Variants in GRIN3B observed in about 807,000 individuals in gnomAD.
GRIN3B encodes the protein glutamate receptor ionotropic, NMDA 3B.
GRIN3B carries 77 observed loss-of-function variants against 66.0 expected under a neutral mutation model. The observed-to-expected ratio is 1.17, with a 90% CI of 0.97 to 1.41. The LOEUF is 1.41. GRIN3B is among the 40% of genes most tolerant of loss of function. The pLI, the probability that GRIN3B is intolerant of heterozygous loss-of-function variation, is 0.00. For missense variants in GRIN3B, 1,787 were observed against 1,564.5 expected (o/e 1.14, Z -2.40); for synonymous variants, 823 against 749.7 (o/e 1.10, Z -1.60).
rs369360940 is a variant in GRIN3B at position 1,008,017 on chromosome 19, C to T, written c.2314+46C>T. The T allele has an allele frequency of 6.8e-5, 109 of 1,595,102 alleles. 1 individual carries two copies. The African/African-American group carries it at 1.1e-3, about 16-fold the overall frequency. On this transcript the variant is annotated intron_variant, in intron 5 of 8. Transcript: ENST00000234389. ...GCGGGGCGCCGGGGTCTCTGGGGACCTCCTGGGGGCAGTGGGGAGCCACGG... is the reference window on the plus strand; with the variant it reads ...GCGGGGCGCCGGGGTCTCTGGGGACTTCCTGGGGGCAGTGGGGAGCCACGG...
Position 1,007,481 on chromosome 19 carries a change from C to A in GRIN3B, c.2053-147C>A, listed in dbSNP as rs111354021. The stretch of plus-strand genomic sequence containing the variant: ...CTGTGGTGGTCACGCCTGGGGTGTG[C>A]TCTGGGCATGGAGTGGGTGGAGGCC... On this transcript the variant is annotated intron_variant, in intron 3 of 8. Coordinates refer to ENST00000234389, the MANE Select transcript of GRIN3B (RefSeq NM_138690.3). This position sits in a 1 kb window ranked among gnomAD's most constrained non-coding sequence, Gnocchi z 4.4. 1 of 918,852 alleles carries A rather than the reference C, an allele frequency of 1.1e-6. No homozygotes were observed. The highest frequency in any genetic ancestry group is 1.5e-6 in the Non-Finnish European group (1 of 672,316). The allele number at this position is 918,852 out of a possible 1,614,324, so 56.9% of individuals were successfully genotyped here.
intron 8 of GRIN3B, 122 bp downstream of exon 8, chr19:1,009,049 C>G: frequency 1.4e-6 from 2 of 1,442,796 alleles, no homozygotes; most frequent in Admixed American, 2.2e-5. Flanking sequence ...CACCCCCGGA[C>G]GTGCACACCG....
chr19:1,003,141 C>T lies in GRIN3B; in HGVS notation c.438C>T (p.His146=), dbSNP rs749498490. ...CACCCCTCTCCCAGAACCCATTCCA[C>T]CTGCAGCTGCACTGGGCCAGCCCCC... ...RAPLGAPNPF[H]LQLHWASPLE... Residue 146 remains histidine (H), a synonymous_variant, in exon 2 of 9, where the codon CAC becomes CAT. Coordinates refer to ENST00000234389, the MANE Select transcript of GRIN3B (RefSeq NM_138690.3). 1.5e-5 allele frequency: 22 copies of T among 1,453,116 alleles called. No homozygotes were observed. The African/African-American group carries it at 1.8e-4, about 12-fold the overall frequency. The allele number at this position is 1,453,116 out of a possible 1,614,324, so 90.0% of individuals were successfully genotyped here. A position where few individuals can be genotyped will look rare whatever the true frequency, so the allele number is the denominator to read the frequency against.
rs145632166 is a variant in GRIN3B, at chr19:1,004,872, C to T, written c.1371C>T (p.Asp457=). The T allele has an allele frequency of 1.0e-4, 166 of 1,610,100 alleles. 1 individual carries two copies. In the African/African-American group the frequency reaches 1.7e-3, roughly 16 times the overall value. ...GCACCAACGACTCGGCCACCCTGGA[C>T]GCACTGTTCGCCGCGCTGGCCAACG... ...DPGTNDSATL[D]ALFAALANGS... The change falls in exon 3 of 9, where the codon GAC becomes GAT. Residue 457 remains aspartate (D), a synonymous_variant. Transcript: ENST00000234389.
rs1274655627 is a variant in GRIN3B, at chr19:1,009,350, C to G, written c.2880C>G (p.Pro960=). Residue 960 remains proline (P), a synonymous_variant, in exon 9 of 9, where the codon CCC becomes CCG. Transcript: ENST00000234389. Reference sequence around the variant, plus strand: ...CGGAGGCTGCGCCGCGAGAGGGCCCCGTCTGGCTGTGCTCCTACGGCCGCC... The same window carrying G: ...CGGAGGCTGCGCCGCGAGAGGGCCCGGTCTGGCTGTGCTCCTACGGCCGCC... ...AEAEAAPREG[P]VWLCSYGRPP... 8 of 1,390,034 alleles carry G rather than the reference C, an allele frequency of 5.8e-6. No homozygotes were observed. In the South Asian group the frequency reaches 1.3e-4, roughly 22 times the overall value. The allele number at this position is 1,390,034 out of a possible 1,614,324, so 86.1% of individuals were successfully genotyped here.
Position 1,000,487 on chromosome 19 carries a change from C to G in GRIN3B, c.50C>G (p.Pro17Arg). ...CTGGGCCTGGCGCTGGCGCTGGGGC[C>G]GGGGTCCGCGGGGGGCCACCCTCAG... is the stretch of plus-strand genomic sequence containing the variant. The part of the protein sequence containing the change: ...LWLGLALALG[P>R]GSAGGHPQPC... Residue 17 changes from proline to arginine, a missense_variant, in exon 1 of 9, where the codon CCG (proline) becomes CGG (arginine). By Grantham distance (103) the Pro-to-Arg change is moderately radical. Transcript: ENST00000234389. The G allele has an allele frequency of 8.3e-7, 1 of 1,202,312 alleles. No individual in the cohort carries two copies. The highest frequency in any genetic ancestry group is 1.0e-6 in the Non-Finnish European group (1 of 968,054). The allele number at this position is 1,202,312 out of a possible 1,614,324, so 74.5% of individuals were successfully genotyped here.
In GRIN3B at chr19:1,008,847, G is replaced by C; in HGVS notation, c.2632-10G>C. 1 of 1,605,402 alleles carries C rather than the reference G, an allele frequency of 6.2e-7. No individual in the cohort carries two copies. The highest frequency in any genetic ancestry group is 8.5e-7 in the Non-Finnish European group (1 of 1,176,248). On this transcript the variant is annotated splice_polypyrimidine_tract_variant and intron_variant, in intron 7 of 8. Coordinates refer to ENST00000234389, the MANE Select transcript of GRIN3B (RefSeq NM_138690.3). ...GCCTCCTCGCCAACCGGGTCTGTCTGGGGTCTTAGAAAATCCACCGCGCCC... is the reference window on the plus strand; with the variant it reads ...GCCTCCTCGCCAACCGGGTCTGTCTCGGGTCTTAGAAAATCCACCGCGCCC...
rs369845966 is a variant in GRIN3B at position 1,005,517 on chromosome 19, G to T, written c.2016G>T (p.Lys672Asn). The T allele has an allele frequency of 2.5e-6, 4 of 1,611,224 alleles. No individual in the cohort carries two copies. Among genetic ancestry groups the T allele is most frequent in the Non-Finnish European group, 3.4e-6 (4 of 1,178,754 alleles). Reference sequence around the variant, plus strand: ...TGGCTGCCGTCATGGTCGGGGACAAGACCTTCGAGGAGCTGTCGGGGATCC... The same window carrying T: ...TGGCTGCCGTCATGGTCGGGGACAATACCTTCGAGGAGCTGTCGGGGATCC... Reference protein sequence around the residue: ...ANLAAVMVGDKTFEELSGIHD... With the variant: ...ANLAAVMVGDNTFEELSGIHD... Residue 672 changes from lysine to asparagine, a missense_variant, in exon 3 of 9, where the codon AAG (lysine) becomes AAT (asparagine). Transcript: ENST00000234389. The surrounding 1 kb of genome is among the most constrained non-coding windows in gnomAD (Gnocchi z 5.2).
Position 1,005,554 on chromosome 19 carries a change from G to A in GRIN3B, c.2052+1G>A. ...GCTGTCGGGGATCCACGACCCCAAG[G>A]TGGGCGGCCTCGGGGGGCTGCGGGT... is the stretch of plus-strand genomic sequence containing the variant. On this transcript the variant is annotated splice_donor_variant, in intron 3 of 8. Transcript: ENST00000234389. LOFTEE classifies it high-confidence loss of function. This position sits in a 1 kb window ranked among gnomAD's most constrained non-coding sequence, Gnocchi z 5.2. The A allele has an allele frequency of 5.1e-6, 8 of 1,582,146 alleles. No homozygotes were observed. Among genetic ancestry groups the A allele is most frequent in the Non-Finnish European group, 6.9e-6 (8 of 1,161,754 alleles).
rs1432051089 is a variant in GRIN3B, at chr19:1,000,659, G to A, written c.222G>A (p.Leu74=). Residue 74 remains leucine, a synonymous_variant, in exon 1 of 9, where the codon CTG becomes CTA. Coordinates refer to ENST00000234389, the MANE Select transcript of GRIN3B (RefSeq NM_138690.3). ...TGCCGCACAACCTGAGCTTGGAGCT[G>A]GTGGTCGCCGCGCCCCCCGCCCGCG... ...PRLPHNLSLE[L]VVAAPPARDP... 1 of 1,318,720 alleles carries A rather than the reference G, an allele frequency of 7.6e-7. No individual in the cohort carries two copies. The highest frequency in any genetic ancestry group is 9.7e-7 in the Non-Finnish European group (1 of 1,031,640). The allele number at this position is 1,318,720 out of a possible 1,614,324, so 81.7% of individuals were successfully genotyped here.
rs1217052331 is a variant in GRIN3B at position 1,009,346 on chromosome 19, G to A, written c.2876G>A (p.Gly959Asp). The A allele has an allele frequency of 2.9e-6, 4 of 1,391,782 alleles. No individual in the cohort carries two copies. The highest frequency in any genetic ancestry group is 3.7e-6 in the Non-Finnish European group (4 of 1,082,172). The allele number at this position is 1,391,782 out of a possible 1,614,324, so 86.2% of individuals were successfully genotyped here. ...DAEAEAAPRE[G>D]PVWLCSYGRP... is the part of the protein sequence containing the mutation. ...GAGGCGGAGGCTGCGCCGCGAGAGG[G>A]CCCCGTCTGGCTGTGCTCCTACGGC... The change falls in exon 9 of 9, where the codon GGC (glycine) becomes GAC (aspartate). Residue 959 changes from glycine to aspartate, a missense_variant. Transcript: ENST00000234389.
rs367698479 is a variant in GRIN3B at position 1,003,434 on chromosome 19, G to A, written c.731G>A (p.Arg244His). 3.0e-5 allele frequency: 47 copies of A among 1,541,770 alleles called. No individual in the cohort carries two copies. The highest frequency in any genetic ancestry group is 3.0e-4 in the African/African-American group (22 of 73,164). ...GTCCTCCTCGGCTGTGACATCGCCC[G>A]TGCCCGTCGGGTGCTGGAGGCCGTA... ...AAVLLGCDIA[R>H]ARRVLEAVPP... The change falls in exon 2 of 9, where the codon CGT becomes CAT. Residue 244 changes from arginine (R) to histidine (H), a missense_variant. Physicochemically the swap from Arg to His is conservative, Grantham distance 29. Transcript: ENST00000234389.
At chr19:1,009,005 G>T in intron 8 of GRIN3B, 78 bp downstream of exon 8, 1 of 1,521,136 alleles carries the variant, frequency 6.6e-7, no homozygotes. Flanking sequence ...GAAGCCGGCC[G>T]CGGGGTGCAG....
Position 1,004,878 on chromosome 19 carries a change from G to C in GRIN3B, c.1377G>C (p.Leu459=). Residue 459 remains leucine (L), a synonymous_variant, in exon 3 of 9, where the codon CTG becomes CTC. Transcript: ENST00000234389. Reference sequence around the variant, plus strand: ...ACGACTCGGCCACCCTGGACGCACTGTTCGCCGCGCTGGCCAACGGCTCAG... The same window carrying C: ...ACGACTCGGCCACCCTGGACGCACTCTTCGCCGCGCTGGCCAACGGCTCAG... ...GTNDSATLDA[L]FAALANGSAP... is the part of the protein sequence containing the mutation. 6.2e-7 allele frequency: 1 copy of C among 1,608,210 alleles called. No individual in the cohort carries two copies. The highest frequency in any genetic ancestry group is 8.5e-7 in the Non-Finnish European group (1 of 1,177,038).
chr19:1,006,229 A>T (rs1193021902), intron 3 of GRIN3B, among the ~76,000 whole-genome samples: 1 of 150,488 alleles, frequency 6.6e-6, no homozygotes, highest in African/African-American at 2.5e-5. Context: ...GCTCACTGCA[A>T]CCTCTGCCTC....
At position 1,009,345 on chromosome 19, in the gene GRIN3B, G is replaced by A; in HGVS notation, c.2875G>A (p.Gly959Ser). Residue 959 changes from glycine (G) to serine (S), a missense_variant, in exon 9 of 9, where the codon GGC (glycine) becomes AGC (serine). Coordinates refer to ENST00000234389, the MANE Select transcript of GRIN3B (RefSeq NM_138690.3). ...DAEAEAAPREGPVWLCSYGRP... is the reference protein window; with the variant it reads ...DAEAEAAPRESPVWLCSYGRP... ...GGAGGCGGAGGCTGCGCCGCGAGAGGGCCCCGTCTGGCTGTGCTCCTACGG... is the reference window on the plus strand; with the variant it reads ...GGAGGCGGAGGCTGCGCCGCGAGAGAGCCCCGTCTGGCTGTGCTCCTACGG... 1 of 1,391,850 alleles carries A rather than the reference G, an allele frequency of 7.2e-7. No individual in the cohort carries two copies. The highest frequency in any genetic ancestry group is 9.2e-7 in the Non-Finnish European group (1 of 1,082,198). The allele number at this position is 1,391,850 out of a possible 1,614,324, so 86.2% of individuals were successfully genotyped here.
chr19:1,004,871 A>G lies in GRIN3B; in HGVS notation c.1370A>G (p.Asp457Gly). 1 of 1,610,504 alleles carries G rather than the reference A, an allele frequency of 6.2e-7. No homozygotes were observed. The highest frequency in any genetic ancestry group is 8.5e-7 in the Non-Finnish European group (1 of 1,178,404). The change falls in exon 3 of 9, where the codon GAC becomes GGC. Residue 457 changes from aspartate to glycine, a missense_variant. Transcript: ENST00000234389. ...GGCACCAACGACTCGGCCACCCTGG[A>G]CGCACTGTTCGCCGCGCTGGCCAAC... is the stretch of plus-strand genomic sequence containing the variant. ...DPGTNDSATLDALFAALANGS... is the reference protein window; with the variant it reads ...DPGTNDSATLGALFAALANGS...
In GRIN3B at chr19:1,009,449, G is replaced by C; in HGVS notation, c.2979G>C (p.Ala993=). ...LQELERRIEV[A]RERLRQALVR... is the part of the protein sequence containing the mutation. ...AGCTGGAGCGCCGCATCGAAGTCGC[G>C]CGTGAGCGGCTCCGCCAGGCCCTGG... The change falls in exon 9 of 9, where the codon GCG becomes GCC. Residue 993 remains alanine, a synonymous_variant. Coordinates refer to ENST00000234389, the MANE Select transcript of GRIN3B (RefSeq NM_138690.3). 6.8e-7 allele frequency: 1 copy of C among 1,473,022 alleles called. No individual in the cohort carries two copies. Among genetic ancestry groups the C allele is most frequent in the East Asian group, 2.9e-5 (1 of 34,766 alleles). 91.2% of individuals were successfully genotyped at this position (1,473,022 alleles called of 1,614,324 possible).
intron 1 of GRIN3B, chr19:1,002,812 G>A: frequency 3.4e-6 from 1 of 292,950 alleles, no homozygotes; most frequent in Non-Finnish European, 6.3e-6. Flanking sequence ...GGGTTTTGAA[G>A]GATGTGTAGG....
Sources: allele counts gnomAD v4.1 joint callset (sites outside exome capture counted in the v4.1 genomes callset), GRCh38; gene constraint gnomAD v4.1.1; non-coding constraint Gnocchi (gnomAD v3.1); transcripts MANE v1.5; gene names NCBI Gene and HGNC (gene_info 2026-07-23, HGNC 2026-07-21).